The following RBM19 variants were observed in gnomAD, a reference collection of about 807,000 sequenced individuals.
The protein encoded by RBM19 is RNA binding motif protein 19.
A neutral mutation model predicts 116.8 loss-of-function variants in RBM19; 94 were observed. The observed-to-expected ratio is 0.80, with a 90% CI of 0.68 to 0.95. The LOEUF is 0.95. RBM19 is among the 40% of genes least tolerant of loss of function. RBM19 has a pLI of 0.00. For missense variants in RBM19, 1,161 were observed against 1,220.7 expected (o/e 0.95, Z 0.73); for synonymous variants, 475 against 494.1 (o/e 0.96, Z 0.51).
chr12:113,948,809 A>G (rs1185840375), intron 10 of RBM19, 24 bp downstream of exon 10: 8 of 1,612,876 alleles, frequency 5.0e-6, no homozygotes, highest in Non-Finnish European at 6.8e-6. Context: ...TGGGCTATCC[A>G]CGGCCCGGAG....
intron 21 of RBM19, among the ~76,000 whole-genome samples, chr12:113,862,075 A>G (rs1402914798): frequency 6.6e-6 from 1 of 152,234 alleles, no homozygotes; most frequent in Non-Finnish European, 1.5e-5. Context: ...CTGAAAGATC[A>G]GGGTTAGATC....
At chr12:113,857,049 G>A (rs886438330) in intron 22 of RBM19, among the ~76,000 whole-genome samples, 4 of 152,176 alleles carry the variant, frequency 2.6e-5, no homozygotes, top group Non-Finnish European at 4.4e-5. Context: ...TTTCTTAGGA[G>A]CAGAGAGTGA....
chr12:113,862,979 G>A (rs1276669094), intron 21 of RBM19, among the ~76,000 whole-genome samples: 1 of 152,090 alleles, frequency 6.6e-6, no homozygotes, highest in African/African-American at 2.4e-5. Context: ...GCCATGCCAG[G>A]AACATGATTG....
intron 14 of RBM19, among the ~76,000 whole-genome samples, chr12:113,940,872 C>T (rs771062105): frequency 5.9e-5 from 9 of 152,136 alleles, no homozygotes; most frequent in African/African-American, 9.7e-5. Flanking sequence ...CCTCAGCTCC[C>T]GCAGCGACAG....
intron 21 of RBM19, among the ~76,000 whole-genome samples, chr12:113,889,391 C>T (rs1880778731): frequency 6.6e-6 from 1 of 152,194 alleles, no homozygotes; most frequent in Non-Finnish European, 1.5e-5. Flanking sequence ...GGGAGCTGCA[C>T]TCTGTAAAAC....
intron 10 of RBM19, 130 bp downstream of exon 10, chr12:113,948,703 T>C: frequency 1.1e-6 from 1 of 908,116 alleles, no homozygotes; most frequent in South Asian, 1.7e-5. Flanking sequence ...GGTCCCATTT[T>C]ACAGATGAGA....
intron 2 of RBM19, among the ~76,000 whole-genome samples, chr12:113,961,406 A>C (rs1872487401): frequency 6.6e-6 from 1 of 152,164 alleles, no homozygotes; most frequent in Non-Finnish European, 1.5e-5. Context: ...ACAAAATTCA[A>C]ATAATATACA....
intron 21 of RBM19, among the ~76,000 whole-genome samples, chr12:113,877,214 C>T (rs566748176): frequency 6.6e-6 from 1 of 152,230 alleles, no homozygotes; most frequent in African/African-American, 2.4e-5. Context: ...TCTGATACAC[C>T]AGTGACCACT....
intron 23 of RBM19, among the ~76,000 whole-genome samples, chr12:113,829,550 T>C (rs1367267956): frequency 6.6e-6 from 1 of 152,190 alleles, no homozygotes; most frequent in African/African-American, 2.4e-5. Context: ...GTGCCAGGAA[T>C]GATGCTGGGG....
At chr12:113,869,394 T>C (rs1379287952) in intron 21 of RBM19, among the ~76,000 whole-genome samples, 2 of 152,356 alleles carry the variant, frequency 1.3e-5, no homozygotes, top group East Asian at 1.9e-4. Flanking sequence ...TTGGGATAGC[T>C]GTGCATGCTC....
intron 21 of RBM19, among the ~76,000 whole-genome samples, chr12:113,902,861 A>G (rs1410978496): frequency 6.6e-6 from 1 of 152,158 alleles, no homozygotes; most frequent in East Asian, 1.9e-4. Context: ...TGAACATTCA[A>G]TTATAGATTC....
chr12:113,966,045 C>T, intron 1 of RBM19, 147 bp downstream of exon 1: 2 of 863,202 alleles, frequency 2.3e-6, no homozygotes, highest in Admixed American at 4.4e-5. Context: ...GGGATAAGCC[C>T]AGGATCCCGC....
chr12:113,870,180 C>T (rs1000334912), intron 21 of RBM19, among the ~76,000 whole-genome samples: 3 of 152,114 alleles, frequency 2.0e-5, no homozygotes, highest in Admixed American at 2.0e-4. Context: ...AGTGAGCAGG[C>T]GATGGCAAGC....
chr12:113,833,082 G>A (rs1875571803), intron 23 of RBM19, among the ~76,000 whole-genome samples: 1 of 152,112 alleles, frequency 6.6e-6, no homozygotes, highest in South Asian at 2.1e-4. Flanking sequence ...CTATCTGCCT[G>A]ACATCGAGGG....
chr12:113,895,471 G>A (rs1881255548), intron 21 of RBM19, among the ~76,000 whole-genome samples: 1 of 152,230 alleles, frequency 6.6e-6, no homozygotes, highest in Admixed American at 6.5e-5. Context: ...AAGATGAGGA[G>A]AGTTACATGG....
At chr12:113,893,005 A>T (rs187430512) in intron 21 of RBM19, among the ~76,000 whole-genome samples, 15 of 151,010 alleles carry the variant, frequency 9.9e-5, no homozygotes, top group Admixed American at 7.9e-4. Flanking sequence ...GGTCTACTCA[A>T]TGACCACACT....
intron 14 of RBM19, among the ~76,000 whole-genome samples, chr12:113,940,945 A>G (rs1870521108): frequency 6.6e-6 from 1 of 152,260 alleles, no homozygotes; most frequent in South Asian, 2.1e-4. Context: ...ATGGGTTAGT[A>G]AAAGTACATG....
intron 21 of RBM19, among the ~76,000 whole-genome samples, chr12:113,863,078 G>A (rs1878519767): frequency 1.3e-5 from 2 of 151,748 alleles, no homozygotes; most frequent in South Asian, 4.2e-4. Context: ...GAGAAGGGAG[G>A]AGGGGGGAGG....
intron 15 of RBM19, chr12:113,937,359 G>GCC: frequency 2.5e-6 from 1 of 403,838 alleles, no homozygotes; most frequent in Non-Finnish European, 4.4e-6. Flanking sequence ...AGAGGCTTTA[G>GCC]TCTCTGTTGC....
Sources: allele counts gnomAD v4.1 joint callset (sites outside exome capture counted in the v4.1 genomes callset), GRCh38; gene constraint gnomAD v4.1.1; transcripts MANE v1.5; gene names NCBI Gene and HGNC (gene_info 2026-07-23, HGNC 2026-07-21).